The following SNRK variants were observed in gnomAD, a reference collection of about 807,000 sequenced individuals.
SNRK encodes the protein SNF related kinase.
Under a neutral mutation model 48.2 loss-of-function variants are expected in SNRK, and 3 were observed. The observed-to-expected ratio is 0.06, with a 90% CI of 0.03 to 0.16. SNRK has a LOEUF of 0.16. SNRK is among the 10% of genes least tolerant of loss of function. The pLI is 1.00. For synonymous variants in SNRK, 376 were observed against 366.1 expected (o/e 1.03, Z -0.31); for missense variants, 627 against 976.0 (o/e 0.64, Z 4.76).
rs1275840434 is a variant in SNRK at position 43,340,273 on chromosome 3, AC to A, written c.732-12del. On this transcript the variant is annotated splice_polypyrimidine_tract_variant and intron_variant, in intron 4 of 6. Transcript: ENST00000296088. ...AGCAGTTTGCTTTAACAATGGACTTACCTTCCTTTCCAGCCTAATCACACGG... is the reference window on the plus strand; with the variant it reads ...AGCAGTTTGCTTTAACAATGGACTTACTTCCTTTCCAGCCTAATCACACGG... The A allele has an allele frequency of 5.0e-6, 8 of 1,608,674 alleles. No individual in the cohort carries two copies. In the Admixed American group the frequency reaches 1.0e-4, roughly 20 times the overall value.
chr3:43,337,687 G>T (rs528074350), intron 4 of SNRK, among the ~76,000 whole-genome samples: 1 of 152,268 alleles, frequency 6.6e-6, no homozygotes, highest in East Asian at 1.9e-4. Context: ...GGCTGGAGAG[G>T]CCTCAGGAAA....
intron 6 of SNRK, among the ~76,000 whole-genome samples, chr3:43,345,868 A>G (rs558625094): frequency 6.6e-6 from 1 of 152,342 alleles, no homozygotes; most frequent in East Asian, 1.9e-4. Flanking sequence ...AAAAATATGA[A>G]TAATTGTAGG....
chr3:43,325,331 A>G (rs1022940912), intron 3 of SNRK, among the ~76,000 whole-genome samples: 1 of 151,836 alleles, frequency 6.6e-6, no homozygotes, highest in Non-Finnish European at 1.5e-5. Flanking sequence ...GCGCCCGGCT[A>G]ATTTTTTGTA....
chr3:43,326,617 A>G (rs2091098654), intron 3 of SNRK, among the ~76,000 whole-genome samples: 1 of 152,182 alleles, frequency 6.6e-6, no homozygotes, highest in African/African-American at 2.4e-5. Flanking sequence ...GATGAGGATC[A>G]TTGGAGGATT....
At chr3:43,323,486 G>A (rs186911466) in intron 3 of SNRK, among the ~76,000 whole-genome samples, 1 of 152,296 alleles carries the variant, frequency 6.6e-6, no homozygotes, top group Non-Finnish European at 1.5e-5. Flanking sequence ...TGGAGCAATT[G>A]AAATGCTCAT....
At chr3:43,306,084 G>A (rs1337220739) in intron 3 of SNRK, among the ~76,000 whole-genome samples, 1 of 152,164 alleles carries the variant, frequency 6.6e-6, no homozygotes, top group Non-Finnish European at 1.5e-5. Context: ...CACTTGGGAA[G>A]ATGTTCACCA....
At chr3:43,332,088 A>G in intron 3 of SNRK, 81 bp from the exon 4 acceptor site, 1 of 1,114,458 alleles carries the variant, frequency 9.0e-7, no homozygotes, top group Non-Finnish European at 1.2e-6. Flanking sequence ...TGCTCAAGAT[A>G]AAATAATATT....
intron 4 of SNRK, among the ~76,000 whole-genome samples, chr3:43,334,749 G>A (rs931113288): frequency 3.3e-5 from 5 of 151,862 alleles, no homozygotes; most frequent in Admixed American, 6.6e-5. Flanking sequence ...GTGTGCCACC[G>A]TGCCCAGCTA....
chr3:43,299,954 C>G (rs1429962213), intron 2 of SNRK, 139 bp downstream of exon 2: 1 of 152,370 alleles, frequency 6.6e-6, no homozygotes, highest in Admixed American at 6.6e-5. Context: ...ACTTTGTACT[C>G]TAACTCAAAA....
chr3:43,309,724 C>T (rs1014459558), intron 3 of SNRK, among the ~76,000 whole-genome samples: 2 of 151,878 alleles, frequency 1.3e-5, no homozygotes, highest in African/African-American at 4.8e-5. Flanking sequence ...TCAAGCAATC[C>T]TCGCACTTCA....
intron 3 of SNRK, among the ~76,000 whole-genome samples, chr3:43,315,547 A>T (rs926140660): frequency 1.3e-5 from 2 of 152,204 alleles, no homozygotes; most frequent in African/African-American, 4.8e-5. Context: ...TGAGTTCTAG[A>T]TTAGAAGACG....
rs377641503 is a variant in SNRK at position 43,348,130 on chromosome 3, G to A, written c.1871G>A (p.Arg624His). Residue 624 changes from arginine to histidine, a missense_variant, in exon 7 of 7, where the codon CGC (arginine) becomes CAC (histidine). Physicochemically the swap from Arg to His is conservative, Grantham distance 29. Around this residue, in one of 4 missense-constraint regions of SNRK, gnomAD observed 207 missense variants for 234.3 expected, o/e 0.88. Coordinates refer to ENST00000296088, the MANE Select transcript of SNRK (RefSeq NM_017719.5). ...GNPTNTSGTT[R>H]RCAGPSNSMQ... is the part of the protein sequence containing the mutation. ...CCCACCAATACATCGGGTACCACAC[G>A]CCGCTGTGCCGGCCCCAGCAACTCC... 2.2e-5 allele frequency: 35 copies of A among 1,579,508 alleles called. No homozygotes were observed. The highest frequency in any genetic ancestry group is 6.7e-5 in the African/African-American group (5 of 74,202).
rs1264695165 is a variant in SNRK, at chr3:43,312,044, AT to A, written c.589+8254del. The stretch of plus-strand genomic sequence containing the variant: ...CAAGTTAAAATGAGTTAAATTTGGT[AT>A]TGGGAACTTCGCCATCTCACCTAAG... On this transcript the variant is annotated intron_variant, in intron 3 of 6. Coordinates refer to ENST00000296088, the MANE Select transcript of SNRK (RefSeq NM_017719.5). Among the ~76,000 whole-genome samples, 6 of 152,154 alleles carry A rather than the reference AT, an allele frequency of 3.9e-5. No individual in the cohort carries two copies. The East Asian group carries it at 1.2e-3, about 29-fold the overall frequency.
chr3:43,287,393 T>C (rs1382911980), intron 1 of SNRK, among the ~76,000 whole-genome samples: 1 of 152,164 alleles, frequency 6.6e-6, no homozygotes, highest in African/African-American at 2.4e-5. Context: ...GGCAGCCTTT[T>C]ATCTTCGGGG....
At chr3:43,325,600 T>C (rs2091091128) in intron 3 of SNRK, among the ~76,000 whole-genome samples, 1 of 152,190 alleles carries the variant, frequency 6.6e-6, no homozygotes, top group Admixed American at 6.5e-5. Flanking sequence ...CTAGTTGCAT[T>C]TGACTGACTA....
At position 43,347,579 on chromosome 3, in the gene SNRK, G is replaced by A. The variant is rs1011511223; in HGVS notation, c.1320G>A (p.Lys440=). The change falls in exon 7 of 7, where the codon AAG becomes AAA. Residue 440 remains lysine, a synonymous_variant. Coordinates refer to ENST00000296088, the MANE Select transcript of SNRK (RefSeq NM_017719.5). This position sits in a 1 kb window ranked among gnomAD's most constrained non-coding sequence, Gnocchi z 5.4. ...TAAAACCCACAGCCAGTGGGCGGAA[G>A]TGTCTGTTCAGGGTGGAAGAAGATG... ...ASLKPTASGR[K]CLFRVEEDEE... is the part of the protein sequence containing the mutation. 1.9e-6 allele frequency: 3 copies of A among 1,614,070 alleles called. No individual in the cohort carries two copies. The highest frequency in any genetic ancestry group is 1.1e-5 in the South Asian group (1 of 91,084).
chr3:43,327,963 T>TG (rs556385099), intron 3 of SNRK, among the ~76,000 whole-genome samples: 117 of 151,856 alleles, frequency 7.7e-4, no homozygotes, highest in Non-Finnish European at 2.1e-4. Flanking sequence ...TTGGGTTTTT[T>TG]TTTTTTAAAC....
At chr3:43,306,055 T>TA (rs1291678071) in intron 3 of SNRK, among the ~76,000 whole-genome samples, 1 of 152,142 alleles carries the variant, frequency 6.6e-6, no homozygotes, top group South Asian at 2.1e-4. Flanking sequence ...AAAAAGCTAT[T>TA]AAAAAAGGAA....
At chr3:43,288,666 G>A (rs2090786111) in intron 1 of SNRK, among the ~76,000 whole-genome samples, 1 of 152,142 alleles carries the variant, frequency 6.6e-6, no homozygotes, top group African/African-American at 2.4e-5. Context: ...TTTCTTCCCT[G>A]TAGCAGCTTG....
Sources: gnomAD v4.1 joint callset for allele counts (sites outside exome capture counted in the v4.1 genomes callset) on GRCh38, gnomAD v4.1.1 for gene constraint, gnomAD v4.1.1 regional missense constraint, Gnocchi (gnomAD v3.1) non-coding constraint, MANE v1.5 for transcripts, NCBI Gene and HGNC (gene_info 2026-07-23, HGNC 2026-07-21) for gene names.